The following UBIAD1 variants were observed in gnomAD, a reference collection of about 807,000 sequenced individuals.
The protein encoded by UBIAD1 is ubiA prenyltransferase domain-containing protein 1.
UBIAD1 carries 12 observed loss-of-function variants against 20.1 expected under a neutral mutation model. The observed-to-expected ratio is 0.60, with a 90% confidence interval of 0.38 to 0.97. The LOEUF (loss-of-function observed/expected upper bound fraction) is 0.97, where lower values mean the gene tolerates loss of function less well. UBIAD1 is among the 50% of genes least tolerant of loss of function. The pLI, the probability that UBIAD1 is intolerant of heterozygous loss-of-function variation, is 0.00. For synonymous variants in UBIAD1, 207 were observed against 189.2 expected, an observed-to-expected ratio of 1.09 and a Z score of -0.77; for missense variants, 333 against 419.5, an observed-to-expected ratio of 0.79 and a Z score of 1.80.
At chr1:11,274,099 C>A in intron 1 of UBIAD1, 39 bp downstream of exon 1, 1 of 1,612,324 alleles carries the variant, frequency 6.2e-7, no homozygotes, top group South Asian at 1.1e-5. Flanking sequence ...AGGTCTTAGT[C>A]GCGTCCACTG....
intron 1 of UBIAD1, among the ~76,000 whole-genome samples, chr1:11,282,277 G>A (rs990856136): frequency 3.9e-5 from 6 of 152,182 alleles, no homozygotes; most frequent in Admixed American, 1.3e-4. Context: ...TCTGGCTGCC[G>A]TGTGGAGAAC....
chr1:11,288,744 CAA>C (rs1015635841), downstream of UBIAD1, among the ~76,000 whole-genome samples: 1 of 151,900 alleles, frequency 6.6e-6, no homozygotes, highest in Non-Finnish European at 1.5e-5. Context: ...CCCATCTCTA[CAA>C]AAAAAATTTT....
chr1:11,285,515 T>A lies in UBIAD1; in HGVS notation c.530-129T>A. On this transcript the variant is annotated intron_variant, in intron 1 of 1. Coordinates refer to ENST00000376810, the MANE Select transcript of UBIAD1 (RefSeq NM_013319.3). The surrounding 1 kb of genome is among the most constrained non-coding windows in gnomAD (Gnocchi z 4.4). ...TGCTCTGTGGGGTTAAGGGATGAAATGAGTGCCCACCTGCACAGTCTAAGG... is the reference window on the plus strand; with the variant it reads ...TGCTCTGTGGGGTTAAGGGATGAAAAGAGTGCCCACCTGCACAGTCTAAGG... The A allele has an allele frequency of 7.1e-7, 1 of 1,403,290 alleles. No individual in the cohort carries two copies. 86.9% of individuals were successfully genotyped at this position (1,403,290 alleles called of 1,614,324 possible). A position where few individuals can be genotyped will look rare whatever the true frequency, so the allele number is the denominator to read the frequency against.
chr1:11,294,956 T>A, exon 2 of UBIAD1: 1 of 717,362 alleles, frequency 1.4e-6, no homozygotes, highest in Non-Finnish European at 2.6e-6. Context: ...TGACCTGCCT[T>A]CTAGACCTGC....
chr1:11,281,077 GC>G (rs2101019467), intron 1 of UBIAD1, among the ~76,000 whole-genome samples: 1 of 151,890 alleles, frequency 6.6e-6, no homozygotes, highest in South Asian at 2.1e-4. Flanking sequence ...CCAGGAGCAT[GC>G]ACAACCCCTC....
rs1652294797 is a variant in UBIAD1 at position 11,283,012 on chromosome 1, C to T, written c.530-2632C>T. ...AGTAGCTGGGATTACAGACATGCGCCACTACACCCGGCTAATTTTTTGTAT... is the reference window on the plus strand; with the variant it reads ...AGTAGCTGGGATTACAGACATGCGCTACTACACCCGGCTAATTTTTTGTAT... On this transcript the variant is annotated intron_variant, in intron 1 of 1. Transcript: ENST00000376810. Among the ~76,000 whole-genome samples the T allele has an allele frequency of 2.6e-5, 4 of 151,762 alleles. No individual in the cohort carries two copies. The South Asian group carries it at 6.2e-4, about 24-fold the overall frequency.
chr1:11,277,563 T>A (rs1652091812), intron 1 of UBIAD1, among the ~76,000 whole-genome samples: 1 of 151,642 alleles, frequency 6.6e-6, no homozygotes, highest in African/African-American at 2.4e-5. Flanking sequence ...CGTGAGCCAC[T>A]ATGCCTGGCC....
chr1:11,287,487 G>A lies in UBIAD1; in HGVS notation c.*1356G>A, dbSNP rs1638292178. 6.6e-6 allele frequency: 1 copy of A among 152,200 alleles called. No individual in the cohort carries two copies. The highest frequency in any genetic ancestry group is 6.5e-5 in the Admixed American group (1 of 15,284). The allele number at this position is 152,200 out of a possible 1,614,324, so 9.4% of individuals were successfully genotyped here. A position where few individuals can be genotyped will look rare whatever the true frequency, so the allele number is the denominator to read the frequency against. On this transcript the variant is annotated 3_prime_UTR_variant, in exon 2 of 2. Coordinates refer to ENST00000376810, the MANE Select transcript of UBIAD1 (RefSeq NM_013319.3). ...ATGGGTCATCATTGTTTTCTGTTGT[G>A]ATTATAGCCATTCTAGTAGGCGTTT...
chr1:11,284,438 AG>A (rs949736645), intron 1 of UBIAD1, among the ~76,000 whole-genome samples: 6 of 151,574 alleles, frequency 4.0e-5, no homozygotes, highest in Admixed American at 2.6e-4. Context: ...ATGTTGGGGG[AG>A]GGGGTGGTCA....
At chr1:11,296,957 C>A (rs1056663824), downstream of UBIAD1, among the ~76,000 whole-genome samples, 1 of 152,200 alleles carries the variant, frequency 6.6e-6, no homozygotes, top group Non-Finnish European at 1.5e-5. Context: ...TACATTCATT[C>A]ATTCATTCAA....
chr1:11,275,280 C>A (rs376231047), intron 1 of UBIAD1, among the ~76,000 whole-genome samples: 2 of 152,122 alleles, frequency 1.3e-5, no homozygotes, highest in Non-Finnish European at 2.9e-5. Flanking sequence ...GTCGGATGTG[C>A]GACTTCTGGA....
At chr1:11,277,617 C>G (rs930485808) in intron 1 of UBIAD1, among the ~76,000 whole-genome samples, 1 of 152,058 alleles carries the variant, frequency 6.6e-6, no homozygotes, top group Admixed American at 6.5e-5. Flanking sequence ...AGCTCTCTTT[C>G]ACTAAGCAAG....
intron 1 of UBIAD1, among the ~76,000 whole-genome samples, chr1:11,277,657 T>C (rs1652095592): frequency 6.6e-6 from 1 of 152,190 alleles, no homozygotes; most frequent in Admixed American, 6.5e-5. Flanking sequence ...TCTGTTTTCT[T>C]TTTTCTTGAG....
At chr1:11,280,655 C>T (rs533364603) in intron 1 of UBIAD1, among the ~76,000 whole-genome samples, 107 of 152,328 alleles carry the variant, frequency 7.0e-4, no homozygotes, top group Non-Finnish European at 8.8e-4. Flanking sequence ...TGGGCATCGT[C>T]CTTGACTCCC....
chr1:11,281,205 T>C (rs560058786), intron 1 of UBIAD1, among the ~76,000 whole-genome samples: 10 of 152,334 alleles, frequency 6.6e-5, no homozygotes, highest in African/African-American at 2.4e-4. Flanking sequence ...AAATGTCAGC[T>C]GCTCAGTGAG....
intron 1 of UBIAD1, among the ~76,000 whole-genome samples, chr1:11,281,412 C>T (rs1274613729): frequency 6.6e-6 from 1 of 152,176 alleles, no homozygotes; most frequent in Non-Finnish European, 1.5e-5. Flanking sequence ...ATTTCTGTCT[C>T]TGGTATTAGC....
chr1:11,275,370 TG>T (rs983309568), intron 1 of UBIAD1, among the ~76,000 whole-genome samples: 1 of 151,870 alleles, frequency 6.6e-6, no homozygotes, highest in African/African-American at 2.4e-5. Flanking sequence ...ATAAGTGCTA[TG>T]GGAAAAAAAA....
rs146222086 is a variant in UBIAD1, at chr1:11,288,348, G to A, written c.*2217G>A. ...AATTTGTTGCCAGGTTTTATACGCA[G>A]GTCACCATAATTTGTATTATGTTCC... On this transcript the variant is annotated 3_prime_UTR_variant, in exon 2 of 2. Transcript: ENST00000376810. 8.5e-5 allele frequency: 13 copies of A among 152,262 alleles called. No individual in the cohort carries two copies. Among genetic ancestry groups the A allele is most frequent in the African/African-American group, 2.2e-4 (9 of 41,540 alleles). 9.4% of individuals were successfully genotyped at this position (152,262 alleles called of 1,614,324 possible).
In UBIAD1 at chr1:11,285,867, C is replaced by T. The variant is rs747021340; in HGVS notation, c.753C>T (p.Leu251=). 4 of 1,614,248 alleles carry T rather than the reference C, an allele frequency of 2.5e-6. No homozygotes were observed. The highest frequency in any genetic ancestry group is 3.4e-6 in the Non-Finnish European group (4 of 1,180,036). ...CTGGTATCGTCACGCTGGCCATCCTCATCGGCCCCACGTTCTCCTACATTC... is the reference window on the plus strand; with the variant it reads ...CTGGTATCGTCACGCTGGCCATCCTTATCGGCCCCACGTTCTCCTACATTC... ...REAGIVTLAI[L]IGPTFSYILY... is the part of the protein sequence containing the mutation. Residue 251 remains leucine (L), a synonymous_variant, in exon 2 of 2, where the codon CTC becomes CTT. Coordinates refer to ENST00000376810, the MANE Select transcript of UBIAD1 (RefSeq NM_013319.3). This position sits in a 1 kb window ranked among gnomAD's most constrained non-coding sequence, Gnocchi z 4.4.
Sources: allele counts gnomAD v4.1 joint callset (sites outside exome capture counted in the v4.1 genomes callset), GRCh38; gene constraint gnomAD v4.1.1; non-coding constraint Gnocchi (gnomAD v3.1); transcripts MANE v1.5; gene names NCBI Gene and HGNC (gene_info 2026-07-23, HGNC 2026-07-21).